Variants in BICRA observed in about 807,000 individuals in gnomAD.
The protein encoded by BICRA is BRD4-interacting chromatin-remodeling complex-associated protein.
In BICRA, 31 loss-of-function variants were observed where a neutral mutation model predicts 96.9. The observed-to-expected ratio is 0.32, with a 90% confidence interval of 0.24 to 0.43. The LOEUF (loss-of-function observed/expected upper bound fraction) is 0.43. BICRA is among the 20% of genes least tolerant of loss of function. BICRA has a pLI of 1.00. For synonymous variants in BICRA, 1,350 were observed against 1,071.8 expected, an observed-to-expected ratio of 1.26 and a Z score of -5.07; for missense variants, 2,283 against 2,190.3, an observed-to-expected ratio of 1.04 and a Z score of -0.84.
intron 1 of BICRA, among the ~76,000 whole-genome samples, chr19:47,627,542 A>G (rs1972158989): frequency 6.6e-6 from 1 of 152,196 alleles, no homozygotes; most frequent in African/African-American, 2.4e-5. Flanking sequence ...CCGTCAGCAC[A>G]TATGCTAGCA....
chr19:47,684,283 A>G (rs1244269918), intron 7 of BICRA, among the ~76,000 whole-genome samples: 1 of 152,102 alleles, frequency 6.6e-6, no homozygotes, highest in Non-Finnish European at 1.5e-5. Flanking sequence ...CCTGGGTTCA[A>G]GTGATTCTCC....
In BICRA at chr19:47,694,663, G is replaced by C. The variant is rs2123606880; in HGVS notation, c.2832G>C (p.Gln944His). The change falls in exon 8 of 15, where the codon CAG becomes CAC. Residue 944 changes from glutamine to histidine, a missense_variant. Transcript: ENST00000594866. ...CCCCACCGCCTCCTCGGACCTTCCA[G>C]ATGGTGACCACCCCCTTCCCAGCGC... ...APPPPPPRTF[Q>H]MVTTPFPALP... The C allele has an allele frequency of 6.3e-7, 1 of 1,583,516 alleles. No homozygotes were observed. The highest frequency in any genetic ancestry group is 2.3e-5 in the East Asian group (1 of 44,182).
chr19:47,652,791 G>A (rs1312628295), intron 1 of BICRA, among the ~76,000 whole-genome samples: 2 of 152,018 alleles, frequency 1.3e-5, no homozygotes, highest in African/African-American at 2.4e-5. Context: ...TTCCTGTTCC[G>A]ATCTGCCAGG....
At chr19:47,629,818 C>T (rs1479231598) in intron 1 of BICRA, among the ~76,000 whole-genome samples, 1 of 152,066 alleles carries the variant, frequency 6.6e-6, no homozygotes, top group Non-Finnish European at 1.5e-5. Flanking sequence ...CCACCATACC[C>T]AGCTAATTTT....
chr19:47,633,060 AATTTTATTTG>A (rs1260489497), intron 1 of BICRA, among the ~76,000 whole-genome samples: 2 of 148,866 alleles, frequency 1.3e-5, no homozygotes, highest in African/African-American at 4.9e-5. Flanking sequence ...TGCTGTCATT[AATTTTATTTG>A]ATTTTATTTC....
rs949236332 is a variant in BICRA, at chr19:47,624,581, C to T, written c.-108+15413C>T. Reference sequence around the variant, plus strand: ...TGAGCTTGTGACTGGGAAAATGATGCAGATAGACTCACTGGACAAAGGGTT... The same window carrying T: ...TGAGCTTGTGACTGGGAAAATGATGTAGATAGACTCACTGGACAAAGGGTT... On this transcript the variant is annotated intron_variant, in intron 1 of 14. Transcript: ENST00000594866. Among the ~76,000 whole-genome samples, 19 of 152,108 alleles carry T rather than the reference C, an allele frequency of 1.2e-4. 1 individual carries two copies. Among genetic ancestry groups the T allele is most frequent in the African/African-American group, 4.6e-4 (19 of 41,402 alleles).
At chr19:47,673,453 C>G in intron 2 of BICRA, 117 bp from the exon 3 acceptor site, 1 of 782,802 alleles carries the variant, frequency 1.3e-6, no homozygotes, top group Non-Finnish European at 2.3e-6. Context: ...CCCATGGACT[C>G]AAGGGAACAG....
rs58327756 is a variant in BICRA at position 47,661,213 on chromosome 19, C to CAAA, written c.-107-9216_-107-9214dup. Among the ~76,000 whole-genome samples the CAAA allele has an allele frequency of 9.4e-4, 72 of 76,472 alleles. 1 individual carries two copies. Among genetic ancestry groups the CAAA allele is most frequent in the African/African-American group, 4.1e-3 (69 of 16,818 alleles). 50.2% of individuals were successfully genotyped at this position (76,472 alleles called of 152,430 possible). On this transcript the variant is annotated intron_variant, in intron 1 of 14. Coordinates refer to ENST00000594866, the MANE Select transcript of BICRA (RefSeq NM_001394372.1). ...TGGGTGACTGAGCGAGACTCCGTCT[C>CAAA]AAAAAAAAAAAAAAAAGACGAAGTA...
intron 1 of BICRA, among the ~76,000 whole-genome samples, chr19:47,643,508 C>T (rs771465741): frequency 2.0e-5 from 3 of 152,112 alleles, no homozygotes; most frequent in Non-Finnish European, 2.9e-5. Context: ...CTTCTCACGG[C>T]GGGGCTGCTC....
In BICRA at chr19:47,690,815, C is replaced by T. The variant is rs10411623; in HGVS notation, c.2284-3300C>T. Among the ~76,000 whole-genome samples the T allele has an allele frequency of 4.1e-3, 594 of 144,022 alleles. 5 individuals are homozygous for T. The highest frequency in any genetic ancestry group is 0.015 in the African/African-American group (564 of 38,812). The allele number at this position is 144,022 out of a possible 152,430, so 94.5% of individuals were successfully genotyped here. On this transcript the variant is annotated intron_variant, in intron 7 of 14. Coordinates refer to ENST00000594866, the MANE Select transcript of BICRA (RefSeq NM_001394372.1). ...GATTGTGTGTGTGTGTGTGTGTGTGCGCACTTTTGATGAGAATGAAATTAA... is the reference window on the plus strand; with the variant it reads ...GATTGTGTGTGTGTGTGTGTGTGTGTGCACTTTTGATGAGAATGAAATTAA...
At position 47,701,410 on chromosome 19, in the gene BICRA, C is replaced by G. The variant is rs752002076; in HGVS notation, c.3678C>G (p.Pro1226=). Residue 1226 remains proline (P), a synonymous_variant, in exon 15 of 15, where the codon CCC becomes CCG. Transcript: ENST00000594866. The surrounding 1 kb of genome is among the most constrained non-coding windows in gnomAD (Gnocchi z 5.4). ...GTCATCGGCTTCCCGGCCACGGCCC[C>G]CTGTCGTCTTCAGCTCCCGGGGCCT... The part of the protein sequence containing the change: ...SEGHRLPGHG[P]LSSSAPGAST... The G allele has an allele frequency of 1.3e-6, 2 of 1,599,890 alleles. No individual in the cohort carries two copies. The highest frequency in any genetic ancestry group is 2.2e-5 in the South Asian group (2 of 89,110).
chr19:47,698,650 C>A lies in BICRA; in HGVS notation c.3265C>A (p.His1089Asn). ...CACCCGCAGTTTCCTGGAGCATTTG[C>A]ACAAACACCAGGGCTCCGTCCTGCA... ...SKEACFLEHL[H>N]KHQGSVLHPD... The change falls in exon 12 of 15, where the codon CAC (histidine) becomes AAC (asparagine). Residue 1089 changes from histidine to asparagine, a missense_variant. Transcript: ENST00000594866. The surrounding 1 kb of genome is among the most constrained non-coding windows in gnomAD (Gnocchi z 4.8). The A allele has an allele frequency of 6.8e-7, 1 of 1,480,188 alleles. No individual in the cohort carries two copies. The highest frequency in any genetic ancestry group is 9.2e-7 in the Non-Finnish European group (1 of 1,086,226). 91.7% of individuals were successfully genotyped at this position (1,480,188 alleles called of 1,614,324 possible). A position where few individuals can be genotyped will look rare whatever the true frequency, so the allele number is the denominator to read the frequency against.
chr19:47,675,824 C>T lies in BICRA; in HGVS notation c.85-27C>T. On this transcript the variant is annotated intron_variant, in intron 4 of 14. Coordinates refer to ENST00000594866, the MANE Select transcript of BICRA (RefSeq NM_001394372.1). This position sits in a 1 kb window ranked among gnomAD's most constrained non-coding sequence, Gnocchi z 4.7. ...ATGGGCCTGCCCTGCTGACTTTTGACCTTGGATGGGGCGGGTCTTGTTGCA... is the reference window on the plus strand; with the variant it reads ...ATGGGCCTGCCCTGCTGACTTTTGATCTTGGATGGGGCGGGTCTTGTTGCA... 1 of 1,596,402 alleles carries T rather than the reference C, an allele frequency of 6.3e-7. No homozygotes were observed. The highest frequency in any genetic ancestry group is 1.3e-5 in the African/African-American group (1 of 74,758).
intron 7 of BICRA, among the ~76,000 whole-genome samples, chr19:47,687,165 G>A (rs920554216): frequency 2.4e-4 from 37 of 152,080 alleles, no homozygotes; most frequent in African/African-American, 8.0e-4. Context: ...AGGCTTTTGC[G>A]GGCCATATGG....
intron 1 of BICRA, among the ~76,000 whole-genome samples, chr19:47,636,637 G>A (rs1006464373): frequency 6.6e-6 from 1 of 152,074 alleles, no homozygotes; most frequent in African/African-American, 2.4e-5. Flanking sequence ...CCACCTGAGT[G>A]GCTAGGATTA....
In BICRA at chr19:47,675,178, T is replaced by A. The variant is rs1972922498; in HGVS notation, c.85-673T>A. Among the ~76,000 whole-genome samples, 1 of 152,068 alleles carries A rather than the reference T, an allele frequency of 6.6e-6. No homozygotes were observed. Reference sequence around the variant, plus strand: ...AGCAACTGAGTGGATTCTGGTGCCATTTTCTGAAGTTGGGAATTTGGGGAA... The same window carrying A: ...AGCAACTGAGTGGATTCTGGTGCCAATTTCTGAAGTTGGGAATTTGGGGAA... On this transcript the variant is annotated intron_variant, in intron 4 of 14. Transcript: ENST00000594866. The surrounding 1 kb of genome is among the most constrained non-coding windows in gnomAD (Gnocchi z 4.7).
chr19:47,689,007 T>C (rs1005883668), intron 7 of BICRA, among the ~76,000 whole-genome samples: 19 of 151,922 alleles, frequency 1.3e-4, no homozygotes, highest in Non-Finnish European at 2.2e-4. Flanking sequence ...TTTGTATTTT[T>C]AGAGAGACGA....
chr19:47,635,802 A>T (rs7257924), intron 1 of BICRA, among the ~76,000 whole-genome samples: 41,108 of 152,020 alleles, frequency 0.27, 6,016 homozygotes, highest in Non-Finnish European at 0.33. Context: ...AGGCTGGGTA[A>T]TACTCCATTG....
chr19:47,694,207 C>CG lies in BICRA; in HGVS notation c.2376_2377insG (p.Ser793ValfsTer78). ...CTCTGGGGGACAGCCCCCACCTGCC[C>CG]TCCCCACACCCCACCCGGCCCCCTT... On this transcript the variant is annotated frameshift_variant, in exon 8 of 15. Transcript: ENST00000594866. LOFTEE classifies it high-confidence loss of function. The CG allele has an allele frequency of 1.5e-6, 2 of 1,322,924 alleles. No homozygotes were observed. Among genetic ancestry groups the CG allele is most frequent in the Non-Finnish European group, 2.0e-6 (2 of 987,954 alleles). 81.9% of individuals were successfully genotyped at this position (1,322,924 alleles called of 1,614,324 possible).
Sources: gnomAD v4.1 joint callset for allele counts (sites outside exome capture counted in the v4.1 genomes callset) on GRCh38, gnomAD v4.1.1 for gene constraint, Gnocchi (gnomAD v3.1) non-coding constraint, MANE v1.5 for transcripts, NCBI Gene and HGNC (gene_info 2026-07-23, HGNC 2026-07-21) for gene names.